PCDHGB2: variants seen among roughly 807,000 people sequenced by gnomAD.
PCDHGB2 encodes protocadherin gamma-B2.
In PCDHGB2, 55 loss-of-function variants were observed where a neutral mutation model predicts 59.3. That is an observed-to-expected ratio of 0.93 (90% CI 0.75 to 1.16). The LOEUF (loss-of-function observed/expected upper bound fraction) is 1.16, where lower values mean the gene tolerates loss of function less well. PCDHGB2 is among the 50% of genes most tolerant of loss of function. The pLI is 0.00. For synonymous variants in PCDHGB2, 516 were observed against 512.0 expected, an observed-to-expected ratio of 1.01 and a Z score of -0.11; for missense variants, 1,228 against 1,198.5, an observed-to-expected ratio of 1.02 and a Z score of -0.36.
At chr5:141,368,210 C>A (rs1293678228) in intron 1 of PCDHGB2, among the ~76,000 whole-genome samples, 5 of 152,078 alleles carry the variant, frequency 3.3e-5, no homozygotes, top group Admixed American at 6.5e-5. Flanking sequence ...TAAAATATTA[C>A]AAATGGGATA....
rs921020435 is a variant in PCDHGB2, at chr5:141,477,853, G to A, written c.2422-16954G>A. 5.0e-6 allele frequency: 8 copies of A among 1,613,344 alleles called. No homozygotes were observed. The East Asian group carries it at 1.6e-4, about 31-fold the overall frequency. On this transcript the variant is annotated intron_variant, in intron 1 of 3. Coordinates refer to ENST00000522605, the MANE Select transcript of PCDHGB2 (RefSeq NM_018923.3). The surrounding 1 kb of genome is among the most constrained non-coding windows in gnomAD (Gnocchi z 4.9). The stretch of plus-strand genomic sequence containing the variant: ...GGCCAGGTGGGAGCTCGGTGGAGAT[G>A]CTGCCTCGAGGTACCTCAGCTGGCC...
Position 141,360,369 on chromosome 5 carries a change from C to G in PCDHGB2, c.234C>G (p.Asn78Lys). Reference sequence around the variant, plus strand: ...CGGAGAAGGAATATTTCACAGTAAACCCAGAAAGCGGAGACTTACTTGTGA... The same window carrying G: ...CGGAGAAGGAATATTTCACAGTAAAGCCAGAAAGCGGAGACTTACTTGTGA... ...VSAEKEYFTV[N>K]PESGDLLVSD... The change falls in exon 1 of 4, where the codon AAC becomes AAG. Residue 78 changes from asparagine to lysine, a missense_variant. Physicochemically the swap from Asn to Lys is moderately conservative, Grantham distance 94. Coordinates refer to ENST00000522605, the MANE Select transcript of PCDHGB2 (RefSeq NM_018923.3). The G allele has an allele frequency of 6.2e-7, 1 of 1,613,842 alleles. No homozygotes were observed. Among genetic ancestry groups the G allele is most frequent in the Non-Finnish European group, 8.5e-7 (1 of 1,179,820 alleles).
intron 1 of PCDHGB2, among the ~76,000 whole-genome samples, chr5:141,481,668 A>G (rs1051166504): frequency 6.6e-6 from 1 of 152,090 alleles, no homozygotes; most frequent in Admixed American, 6.6e-5. Flanking sequence ...TAATACAAAA[A>G]TCAGGCCGGG....
intron 1 of PCDHGB2, chr5:141,408,899 A>G (rs1379621758): frequency 1.2e-6 from 2 of 1,613,316 alleles, no homozygotes; most frequent in Non-Finnish European, 8.5e-7. Context: ...AATTTCTGTC[A>G]AGGATACCAA....
At chr5:141,407,978 A>T (rs1354199341) in intron 1 of PCDHGB2, 8 of 743,974 alleles carry the variant, frequency 1.1e-5, no homozygotes, top group Non-Finnish European at 1.4e-5. Flanking sequence ...GACGCCGGGG[A>T]TCCGTCAGCC....
intron 1 of PCDHGB2, chr5:141,370,622 C>A (rs756641778): frequency 1.9e-6 from 3 of 1,613,902 alleles, no homozygotes; most frequent in Non-Finnish European, 2.5e-6. Flanking sequence ...AATTCTTTAC[C>A]GTGAGCCCCG....
At chr5:141,437,930 G>A (rs142381129) in intron 1 of PCDHGB2, among the ~76,000 whole-genome samples, 2,019 of 152,152 alleles carry the variant, frequency 0.013, 16 homozygotes, top group Middle Eastern at 0.034. Context: ...TAGAGATGGG[G>A]TTTCACCATA....
intron 1 of PCDHGB2, chr5:141,370,503 A>G (rs748568683): frequency 1.2e-6 from 2 of 1,613,814 alleles, no homozygotes; most frequent in Non-Finnish European, 1.7e-6. Flanking sequence ...CCGCTACGCT[A>G]TTCCCGAGGA....
At chr5:141,394,034 G>T in intron 1 of PCDHGB2, 1 of 1,613,540 alleles carries the variant, frequency 6.2e-7, no homozygotes, top group Non-Finnish European at 8.5e-7. Flanking sequence ...TAGTGACAAG[G>T]AAATATTTGG....
In PCDHGB2 at chr5:141,422,662, G is replaced by A. The variant is rs771844166; in HGVS notation, c.2421+60106G>A. On this transcript the variant is annotated intron_variant, in intron 1 of 3. Transcript: ENST00000522605. Reference sequence around the variant, plus strand: ...CTCCATCTTCTCAGTGACCGCCCTCGACCCGGACAGCAAACAGAATGCCCT... The same window carrying A: ...CTCCATCTTCTCAGTGACCGCCCTCAACCCGGACAGCAAACAGAATGCCCT... 4 of 1,608,410 alleles carry A rather than the reference G, an allele frequency of 2.5e-6. No individual in the cohort carries two copies. In the South Asian group the frequency reaches 3.3e-5, roughly 13 times the overall value.
At chr5:141,492,312 C>G (rs1470136040) in intron 1 of PCDHGB2, among the ~76,000 whole-genome samples, 3 of 152,230 alleles carry the variant, frequency 2.0e-5, no homozygotes, top group Non-Finnish European at 4.4e-5. Context: ...CGCACGCACT[C>G]CTCGCACGTG....
intron 1 of PCDHGB2, among the ~76,000 whole-genome samples, chr5:141,373,008 C>T (rs1031800528): frequency 6.6e-6 from 1 of 152,074 alleles, no homozygotes; most frequent in Non-Finnish European, 1.5e-5. Flanking sequence ...CATAGAAAGC[C>T]TCCTTTTGAT....
chr5:141,392,810 A>C (rs772526220), intron 1 of PCDHGB2: 1 of 1,580,390 alleles, frequency 6.3e-7, no homozygotes, highest in South Asian at 1.2e-5. Flanking sequence ...GCAGCAAAAC[A>C]ACAATGGCCG....
chr5:141,477,253 G>A lies in PCDHGB2; in HGVS notation c.2422-17554G>A, dbSNP rs1303718568. The A allele has an allele frequency of 1.9e-6, 3 of 1,614,154 alleles. No individual in the cohort carries two copies. The highest frequency in any genetic ancestry group is 2.2e-5 in the South Asian group (2 of 91,070). Reference sequence around the variant, plus strand: ...TCGCTTTGCTCAGTGTGACTGACCTGGATGCTGGCGAGAACGGGCTGGTGA... The same window carrying A: ...TCGCTTTGCTCAGTGTGACTGACCTAGATGCTGGCGAGAACGGGCTGGTGA... On this transcript the variant is annotated intron_variant, in intron 1 of 3. Transcript: ENST00000522605. This position sits in a 1 kb window ranked among gnomAD's most constrained non-coding sequence, Gnocchi z 4.9.
At chr5:141,375,790 A>G (rs1284123678) in intron 1 of PCDHGB2, 9 of 1,614,216 alleles carry the variant, frequency 5.6e-6, no homozygotes, top group African/African-American at 2.7e-5. Context: ...CCCTCCCCAC[A>G]GACGGTTCCA....
chr5:141,494,586 G>A (rs770159202), intron 1 of PCDHGB2, among the ~76,000 whole-genome samples: 1 of 152,112 alleles, frequency 6.6e-6, no homozygotes, highest in Non-Finnish European at 1.5e-5. Context: ...GCTCACTGTG[G>A]TCAGATGAAA....
At chr5:141,426,442 G>A (rs1205822455) in intron 1 of PCDHGB2, 9 of 306,752 alleles carry the variant, frequency 2.9e-5, no homozygotes, top group African/African-American at 4.3e-5. Context: ...CCTTGCGGAG[G>A]ACATGCGGCT....
At chr5:141,397,642 T>A (rs1015821056) in intron 1 of PCDHGB2, among the ~76,000 whole-genome samples, 1 of 152,236 alleles carries the variant, frequency 6.6e-6, no homozygotes, top group African/African-American at 2.4e-5. Context: ...GTTCAAGGTA[T>A]GTTTGCAGAA....
rs1248191692 is a variant in PCDHGB2, at chr5:141,419,519, G to T, written c.2421+56963G>T. The T allele has an allele frequency of 1.9e-6, 3 of 1,612,180 alleles. No homozygotes were observed. Among genetic ancestry groups the T allele is most frequent in the Non-Finnish European group, 1.7e-6 (2 of 1,179,504 alleles). ...TGTGAGCCTGCGCGTGTTGGTGGGC[G>T]ACCGTAACGACAACGCACCGCGGGT... On this transcript the variant is annotated intron_variant, in intron 1 of 3. Coordinates refer to ENST00000522605, the MANE Select transcript of PCDHGB2 (RefSeq NM_018923.3).
Sources: gnomAD v4.1 joint callset for allele counts (sites outside exome capture counted in the v4.1 genomes callset) on GRCh38, gnomAD v4.1.1 for gene constraint, Gnocchi (gnomAD v3.1) non-coding constraint, MANE v1.5 for transcripts, NCBI Gene and HGNC (gene_info 2026-07-23, HGNC 2026-07-21) for gene names.